The following PRKN variants were observed in gnomAD, a reference collection of about 807,000 sequenced individuals.
The protein encoded by PRKN is E3 ubiquitin-protein ligase parkin.
Under a neutral mutation model 59.5 loss-of-function variants are expected in PRKN, and 56 were observed. The observed-to-expected ratio is 0.94, with a 90% CI of 0.76 to 1.18. PRKN has a LOEUF of 1.18. Ranked by LOEUF, PRKN falls within the 50% of genes most tolerant of loss-of-function variation. The pLI, the probability that PRKN is intolerant of heterozygous loss-of-function variation, is 0.00. For missense variants in PRKN, 657 were observed against 596.4 expected, an observed-to-expected ratio of 1.10 and a Z score of -1.06; for synonymous variants, 250 against 222.1, an observed-to-expected ratio of 1.13 and a Z score of -1.12.
In PRKN at chr6:161,436,530, T is replaced by G. The variant is rs190667773; in HGVS notation, c.1084-49653A>C. Among the ~76,000 whole-genome samples the G allele has an allele frequency of 3.3e-5, 5 of 152,070 alleles. No individual in the cohort carries two copies. In the East Asian group the frequency reaches 9.7e-4, roughly 29 times the overall value. ...GTAATTGCTCCCTGGGAGGGTTAAA[T>G]TTTTAATGATTTGTAATGTCCTGGT... On this transcript the variant is annotated intron_variant, in intron 9 of 11. Coordinates refer to ENST00000366898, the MANE Select transcript of PRKN (RefSeq NM_004562.3).
At chr6:161,500,876 C>CTTTTTTTTTTTTT (rs34247928) in intron 9 of PRKN, among the ~76,000 whole-genome samples, 1 of 115,402 alleles carries the variant, frequency 8.7e-6, no homozygotes, top group Non-Finnish European at 1.7e-5. Flanking sequence ...TTTTTTTTTT[C>CTTTTTTTTTTTTT]TTTTTTTTTT....
intron 4 of PRKN, among the ~76,000 whole-genome samples, chr6:162,185,588 T>G (rs371241538): frequency 6.6e-6 from 1 of 152,252 alleles, no homozygotes; most frequent in East Asian, 1.9e-4. Context: ...GAAAAACTAG[T>G]GAGTAACAGC....
chr6:162,430,894 A>C (rs550216935), intron 2 of PRKN, among the ~76,000 whole-genome samples: 1 of 152,306 alleles, frequency 6.6e-6, no homozygotes, highest in African/African-American at 2.4e-5. Flanking sequence ...ATGTACAAAA[A>C]TTTCTTCTGA....
chr6:161,885,455 G>A (rs1240547802), intron 6 of PRKN, among the ~76,000 whole-genome samples: 1 of 152,068 alleles, frequency 6.6e-6, no homozygotes, highest in Admixed American at 6.6e-5. Flanking sequence ...ACGAGGTCAG[G>A]AGATAGAGAC....
At position 161,458,910 on chromosome 6, in the gene PRKN, C is replaced by A. The variant is rs1355030366; in HGVS notation, c.1084-72033G>T. The stretch of plus-strand genomic sequence containing the variant: ...CCTTATAATTACCAGAAGCCATTTT[C>A]ATGTTTTTTTTTTTCTTTTTAAAGT... On this transcript the variant is annotated intron_variant, in intron 9 of 11. Transcript: ENST00000366898. This position sits in a 1 kb window ranked among gnomAD's most constrained non-coding sequence, Gnocchi z 6.1. Among the ~76,000 whole-genome samples, 1 of 136,264 alleles carries A rather than the reference C, an allele frequency of 7.3e-6. No homozygotes were observed. Among genetic ancestry groups the A allele is most frequent in the Non-Finnish European group, 1.5e-5 (1 of 65,000 alleles). The allele number at this position is 136,264 out of a possible 152,430, so 89.4% of individuals were successfully genotyped here.
chr6:162,664,342 C>T lies in PRKN; in HGVS notation c.7+63320G>A, dbSNP rs147131165. Reference sequence around the variant, plus strand: ...ATGTCTTTGCTATTGTGAACAGTGCCGCAATAAACATACGTGTACATATGT... The same window carrying T: ...ATGTCTTTGCTATTGTGAACAGTGCTGCAATAAACATACGTGTACATATGT... On this transcript the variant is annotated intron_variant, in intron 1 of 11. Transcript: ENST00000366898. 4.4e-3 allele frequency among the ~76,000 whole-genome samples: 672 copies of T among 152,150 alleles called. 4 individuals are homozygous for T. The highest frequency in any genetic ancestry group is 0.015 in the African/African-American group (638 of 41,510).
chr6:162,571,981 T>C (rs1004843980), intron 1 of PRKN, among the ~76,000 whole-genome samples: 2 of 151,920 alleles, frequency 1.3e-5, no homozygotes, highest in Non-Finnish European at 2.9e-5. Flanking sequence ...TTAGACAAAT[T>C]TGGAAAAAAA....
At chr6:162,609,944 T>C (rs1782077173) in intron 1 of PRKN, among the ~76,000 whole-genome samples, 1 of 152,208 alleles carries the variant, frequency 6.6e-6, no homozygotes, top group Non-Finnish European at 1.5e-5. Context: ...ATACATTAAT[T>C]ACATGGATAC....
chr6:161,769,331 G>C (rs994321193), intron 7 of PRKN, among the ~76,000 whole-genome samples: 6 of 152,090 alleles, frequency 3.9e-5, no homozygotes, highest in Admixed American at 1.3e-4. Flanking sequence ...TATGACCTCT[G>C]AGTTCAGAAT....
At chr6:162,224,243 G>A (rs763600725) in intron 3 of PRKN, among the ~76,000 whole-genome samples, 23 of 152,100 alleles carry the variant, frequency 1.5e-4, no homozygotes, top group Non-Finnish European at 2.8e-4. Flanking sequence ...ATATACAGTG[G>A]TAGTTTTATA....
At chr6:162,018,513 T>G (rs1050284347) in intron 5 of PRKN, among the ~76,000 whole-genome samples, 1 of 152,182 alleles carries the variant, frequency 6.6e-6, no homozygotes, top group Non-Finnish European at 1.5e-5. Flanking sequence ...AAAGCATGTT[T>G]TTATTATTTT....
chr6:162,054,820 TAAAAA>T (rs1777791331), intron 4 of PRKN, among the ~76,000 whole-genome samples: 2 of 152,212 alleles, frequency 1.3e-5, no homozygotes, highest in Non-Finnish European at 2.9e-5. Flanking sequence ...AGCAAACCAG[TAAAAA>T]GCATCACAAG....
At position 161,573,967 on chromosome 6, in the gene PRKN, T is replaced by C. The variant is rs182154661; in HGVS notation, c.872-4551A>G. 2.9e-3 allele frequency among the ~76,000 whole-genome samples: 446 copies of C among 151,596 alleles called. 1 individual carries two copies. The highest frequency in any genetic ancestry group is 4.5e-3 in the Non-Finnish European group (306 of 67,900). On this transcript the variant is annotated intron_variant, in intron 7 of 11. Coordinates refer to ENST00000366898, the MANE Select transcript of PRKN (RefSeq NM_004562.3). ...TGTGTATTCTGGCTGTCTCCTAAGATACAAGTGAAAGGACTGATGTTGATG... is the reference window on the plus strand; with the variant it reads ...TGTGTATTCTGGCTGTCTCCTAAGACACAAGTGAAAGGACTGATGTTGATG...
chr6:162,611,949 G>T (rs1782176944), intron 1 of PRKN, among the ~76,000 whole-genome samples: 1 of 152,128 alleles, frequency 6.6e-6, no homozygotes, highest in Admixed American at 6.5e-5. Context: ...ACTTTGGGAG[G>T]CCAAGGCGGG....
intron 1 of PRKN, among the ~76,000 whole-genome samples, chr6:162,645,234 C>T (rs552176711): frequency 5.7e-4 from 86 of 152,176 alleles, no homozygotes; most frequent in African/African-American, 2.0e-3. Context: ...TGATTCTTTA[C>T]AGGAAATTAC....
At chr6:161,465,276 T>C (rs945392594) in intron 9 of PRKN, among the ~76,000 whole-genome samples, 1 of 152,182 alleles carries the variant, frequency 6.6e-6, no homozygotes, top group Non-Finnish European at 1.5e-5. Flanking sequence ...CTTCTTAACA[T>C]TGGGATTTTA....
At chr6:161,595,435 C>T (rs1053031537) in intron 7 of PRKN, among the ~76,000 whole-genome samples, 1 of 152,166 alleles carries the variant, frequency 6.6e-6, no homozygotes, top group Non-Finnish European at 1.5e-5. Flanking sequence ...CTGGGTTTTA[C>T]CTGCTTTCCC....
chr6:162,240,454 A>G (rs991812650), intron 3 of PRKN, among the ~76,000 whole-genome samples: 3 of 152,194 alleles, frequency 2.0e-5, no homozygotes, highest in Non-Finnish European at 4.4e-5. Context: ...GATATTAACG[A>G]AAAATTGCTA....
chr6:161,924,984 C>T (rs1778913544), intron 6 of PRKN, among the ~76,000 whole-genome samples: 4 of 152,188 alleles, frequency 2.6e-5, no homozygotes, highest in Non-Finnish European at 5.9e-5. Context: ...CACCTGGCAT[C>T]ACTGTTGAGG....
Sources: gnomAD v4.1 joint callset for allele counts (sites outside exome capture counted in the v4.1 genomes callset) on GRCh38, gnomAD v4.1.1 for gene constraint, Gnocchi (gnomAD v3.1) non-coding constraint, MANE v1.5 for transcripts, NCBI Gene and HGNC (gene_info 2026-07-23, HGNC 2026-07-21) for gene names.